Variants in BRDT observed in about 807,000 individuals in gnomAD.
BRDT encodes the protein bromodomain testis-specific protein.
In BRDT, 77 loss-of-function variants were observed where a neutral mutation model predicts 113.9. That is an observed-to-expected ratio of 0.68 (90% confidence interval 0.56 to 0.82). The LOEUF is 0.82. Among genes scored for constraint, BRDT ranks in the 40% least tolerant of loss-of-function variants. The pLI is 0.00. For synonymous variants in BRDT, 358 were observed against 366.5 expected, an observed-to-expected ratio of 0.98 and a Z score of 0.26; for missense variants, 1,027 against 1,105.4, an observed-to-expected ratio of 0.93 and a Z score of 1.01.
At position 91,994,171 on chromosome 1, in the gene BRDT, A is replaced by C; in HGVS notation, c.2204A>C (p.His735Pro). 6.2e-7 allele frequency: 1 copy of C among 1,613,374 alleles called. No individual in the cohort carries two copies. Among genetic ancestry groups the C allele is most frequent in the Non-Finnish European group, 8.5e-7 (1 of 1,179,452 alleles). ...TCACATGTAATGCCACCAAATCACC[A>C]CCAATTAGCATTTAATTATCAAGAA... Reference protein sequence around the residue: ...TPSHVMPPNHHQLAFNYQELE... With the variant: ...TPSHVMPPNHPQLAFNYQELE... Residue 735 changes from histidine (H) to proline (P), a missense_variant, in exon 15 of 19, where the codon CAC (histidine) becomes CCC (proline). Coordinates refer to ENST00000399546, the MANE Select transcript of BRDT (RefSeq NM_207189.4).
chr1:92,003,839 A>T (rs1687060089), intron 16 of BRDT, among the ~76,000 whole-genome samples: 1 of 152,176 alleles, frequency 6.6e-6, no homozygotes, highest in Admixed American at 6.5e-5. Flanking sequence ...TTAAATTTTT[A>T]AAACGTGGCT....
At chr1:91,983,884 G>A (rs1463902368) in intron 12 of BRDT, among the ~76,000 whole-genome samples, 1 of 152,016 alleles carries the variant, frequency 6.6e-6, no homozygotes, top group African/African-American at 2.4e-5. Context: ...GTTTCACCAT[G>A]TTGTCCAGGC....
chr1:91,951,399 A>G (rs1368896998), intron 1 of BRDT, among the ~76,000 whole-genome samples: 2 of 152,158 alleles, frequency 1.3e-5, no homozygotes, highest in African/African-American at 2.4e-5. Context: ...AATTATATTC[A>G]GCAGTCATTT....
At position 91,962,719 on chromosome 1, in the gene BRDT, A is replaced by G. The variant is rs751729226; in HGVS notation, c.-36A>G. 1 of 1,506,708 alleles carries G rather than the reference A, an allele frequency of 6.6e-7. No individual in the cohort carries two copies. Among genetic ancestry groups the G allele is most frequent in the Non-Finnish European group, 8.9e-7 (1 of 1,127,936 alleles). The allele number at this position is 1,506,708 out of a possible 1,614,324, so 93.3% of individuals were successfully genotyped here. On this transcript the variant is annotated splice_region_variant and 5_prime_UTR_variant, in exon 2 of 19. Transcript: ENST00000399546. ...AAGTACTCAGTTTTTGTTTTTCAGGACATGTACTTGTAGACAGGATTCAAA... is the reference window on the plus strand; with the variant it reads ...AAGTACTCAGTTTTTGTTTTTCAGGGCATGTACTTGTAGACAGGATTCAAA...
At chr1:91,954,179 T>C (rs1376631650) in intron 1 of BRDT, among the ~76,000 whole-genome samples, 1 of 151,894 alleles carries the variant, frequency 6.6e-6, no homozygotes, top group East Asian at 1.9e-4. Flanking sequence ...ACCATGTTGC[T>C]CAGGCTGGTC....
intron 12 of BRDT, among the ~76,000 whole-genome samples, chr1:91,982,421 A>T (rs1346033513): frequency 6.6e-6 from 1 of 152,194 alleles, no homozygotes; most frequent in African/African-American, 2.4e-5. Flanking sequence ...TACACAGTTG[A>T]TAAGTAATCA....
chr1:91,983,476 G>A (rs376651475), intron 12 of BRDT, among the ~76,000 whole-genome samples: 7 of 151,818 alleles, frequency 4.6e-5, no homozygotes, highest in African/African-American at 1.5e-4. Flanking sequence ...GGATGGTCTC[G>A]ATCTCCTGAC....
At chr1:91,963,188 T>A (rs1433429449) in intron 2 of BRDT, among the ~76,000 whole-genome samples, 1 of 152,170 alleles carries the variant, frequency 6.6e-6, no homozygotes, top group South Asian at 2.1e-4. Context: ...CCGGGCGTGG[T>A]GGCACATGCC....
chr1:91,989,844 C>A (rs989322870), intron 12 of BRDT, among the ~76,000 whole-genome samples: 1 of 152,158 alleles, frequency 6.6e-6, no homozygotes, highest in Non-Finnish European at 1.5e-5. Flanking sequence ...CATTGAGTGG[C>A]ATTTAGCAAT....
At chr1:91,970,857 C>G (rs997502709) in intron 4 of BRDT, among the ~76,000 whole-genome samples, 2 of 145,326 alleles carry the variant, frequency 1.4e-5, no homozygotes, top group African/African-American at 5.2e-5. Flanking sequence ...TGCAGTGAGC[C>G]ATGATCACAC....
chr1:91,987,858 T>G (rs1685401959), intron 12 of BRDT, among the ~76,000 whole-genome samples: 1 of 152,032 alleles, frequency 6.6e-6, no homozygotes, highest in Admixed American at 6.6e-5. Flanking sequence ...TTTTTTTGTT[T>G]TGTTTTGTTG....
intron 3 of BRDT, among the ~76,000 whole-genome samples, chr1:91,966,599 G>T (rs1683088255): frequency 6.6e-6 from 1 of 151,958 alleles, no homozygotes; most frequent in African/African-American, 2.4e-5. Context: ...AATTCCAAAG[G>T]GTCCTTTCAG....
At chr1:91,985,920 G>A (rs1203935448) in intron 12 of BRDT, among the ~76,000 whole-genome samples, 1 of 152,082 alleles carries the variant, frequency 6.6e-6, no homozygotes, top group Non-Finnish European at 1.5e-5. Context: ...TTACAGGCGT[G>A]AGCCACCGCG....
chr1:92,009,803 T>A (rs749490918), intron 18 of BRDT, among the ~76,000 whole-genome samples: 17 of 152,106 alleles, frequency 1.1e-4, no homozygotes, highest in Non-Finnish European at 1.9e-4. Flanking sequence ...ACTCCTGAGC[T>A]CAAGCAGTCT....
Position 91,989,473 on chromosome 1 carries a change from G to A in BRDT, c.2003-1711G>A, listed in dbSNP as rs547178031. 1.4e-4 allele frequency among the ~76,000 whole-genome samples: 21 copies of A among 152,112 alleles called. 1 individual carries two copies. Among genetic ancestry groups the A allele is most frequent in the East Asian group, 5.8e-4 (3 of 5,162 alleles). ...CCTTTTGGGTTCAAGCTATTCTCCC[G>A]CCTCAGCCTCCCAAATAGCTGGGAC... On this transcript the variant is annotated intron_variant, in intron 12 of 18. Coordinates refer to ENST00000399546, the MANE Select transcript of BRDT (RefSeq NM_207189.4).
intron 13 of BRDT, 38 bp downstream of exon 13, chr1:91,991,283 T>C: frequency 8.0e-7 from 1 of 1,252,452 alleles, no homozygotes; most frequent in Non-Finnish European, 1.1e-6. Context: ...ATTTTAAAAG[T>C]ATGTATAACT....
chr1:91,977,705 T>TAA (rs531587291), intron 6 of BRDT, among the ~76,000 whole-genome samples: 81 of 121,600 alleles, frequency 6.7e-4, no homozygotes, highest in Admixed American at 1.0e-3. Flanking sequence ...TCGTCTCTAC[T>TAA]AAAAAAAAAA....
intron 18 of BRDT, among the ~76,000 whole-genome samples, chr1:92,009,668 A>AC (rs149397408): frequency 2.7e-5 from 4 of 145,784 alleles, no homozygotes; most frequent in Admixed American, 2.1e-4. Flanking sequence ...TCCTACCCCA[A>AC]CCCCCCAGTA....
At position 91,991,344 on chromosome 1, in the gene BRDT, C is replaced by T. The variant is rs559914622; in HGVS notation, c.2064+99C>T. On this transcript the variant is annotated intron_variant, in intron 13 of 18. Transcript: ENST00000399546. Reference sequence around the variant, plus strand: ...AAAATTGTTTTCAATTTTATTTACACGAAGAAAGTTGTCACTGTTTTTAGC... The same window carrying T: ...AAAATTGTTTTCAATTTTATTTACATGAAGAAAGTTGTCACTGTTTTTAGC... The T allele has an allele frequency of 3.4e-5, 19 of 563,242 alleles. No homozygotes were observed. In the South Asian group the frequency reaches 8.0e-4, roughly 24 times the overall value. 34.9% of individuals were successfully genotyped at this position (563,242 alleles called of 1,614,324 possible).
Sources: gnomAD v4.1 joint callset for allele counts (sites outside exome capture counted in the v4.1 genomes callset) on GRCh38, gnomAD v4.1.1 for gene constraint, MANE v1.5 for transcripts, NCBI Gene and HGNC (gene_info 2026-07-23, HGNC 2026-07-21) for gene names.